JAZF1: variants seen among roughly 807,000 people sequenced by gnomAD.
JAZF1 encodes JAZF zinc finger 1, also known as juxtaposed with another zinc finger protein 1.
Under a neutral mutation model 26.4 loss-of-function variants are expected in JAZF1, and 8 were observed. That is an observed-to-expected ratio of 0.30 (90% CI 0.18 to 0.55). The LOEUF is 0.55. Among genes scored for constraint, JAZF1 ranks in the 20% least tolerant of loss-of-function variants. The pLI is 0.94. For synonymous variants in JAZF1, 126 were observed against 122.3 expected (o/e 1.03, Z -0.20); for missense variants, 199 against 322.0 (o/e 0.62, Z 2.92).
intron 1 of JAZF1, among the ~76,000 whole-genome samples, chr7:28,085,001 C>T (rs999219623): frequency 2.0e-5 from 3 of 152,180 alleles, no homozygotes; most frequent in African/African-American, 7.2e-5. Context: ...TCTGTAGAGT[C>T]CCCACTTGGA....
intron 2 of JAZF1, among the ~76,000 whole-genome samples, chr7:27,982,829 G>C (rs1243613403): frequency 1.3e-5 from 2 of 152,194 alleles, no homozygotes; most frequent in Non-Finnish European, 2.9e-5. Flanking sequence ...CAGGCAAACA[G>C]GGTCTGGAGA....
chr7:28,115,256 G>C (rs565068319), intron 1 of JAZF1, among the ~76,000 whole-genome samples: 5 of 152,088 alleles, frequency 3.3e-5, no homozygotes, highest in Non-Finnish European at 7.4e-5. Context: ...AAAGACAAGT[G>C]AAATTAATTT....
At chr7:28,161,392 C>T (rs1180670521) in intron 1 of JAZF1, among the ~76,000 whole-genome samples, 3 of 151,962 alleles carry the variant, frequency 2.0e-5, no homozygotes, top group Non-Finnish European at 4.4e-5. Flanking sequence ...CCAAAGCACA[C>T]ATTTTATTCC....
At chr7:28,010,452 T>A (rs1782781718) in intron 1 of JAZF1, among the ~76,000 whole-genome samples, 1 of 152,114 alleles carries the variant, frequency 6.6e-6, no homozygotes, top group African/African-American at 2.4e-5. Flanking sequence ...CACACCCCTA[T>A]AAATAGCCCC....
At chr7:27,974,101 A>G (rs769666985) in intron 2 of JAZF1, among the ~76,000 whole-genome samples, 4 of 152,158 alleles carry the variant, frequency 2.6e-5, no homozygotes, top group Non-Finnish European at 5.9e-5. Context: ...TGAATCAAAA[A>G]AAGAGGAGGC....
chr7:28,109,826 C>T (rs754014194), intron 1 of JAZF1, among the ~76,000 whole-genome samples: 1 of 152,120 alleles, frequency 6.6e-6, no homozygotes, highest in Non-Finnish European at 1.5e-5. Context: ...CTCCCGAAGG[C>T]CAAACAGGGC....
At chr7:27,867,811 T>C (rs1314021291) in intron 3 of JAZF1, among the ~76,000 whole-genome samples, 1 of 152,216 alleles carries the variant, frequency 6.6e-6, no homozygotes, top group African/African-American at 2.4e-5. Flanking sequence ...CCCAGTGCCA[T>C]TCATGTCCTA....
intron 1 of JAZF1, among the ~76,000 whole-genome samples, chr7:28,001,052 T>C (rs1206868626): frequency 6.6e-6 from 1 of 152,080 alleles, no homozygotes; most frequent in African/African-American, 2.4e-5. Flanking sequence ...ATGAACAGAA[T>C]TCACAGTTAA....
At chr7:28,116,167 A>C (rs1330476339) in intron 1 of JAZF1, among the ~76,000 whole-genome samples, 1 of 152,226 alleles carries the variant, frequency 6.6e-6, no homozygotes, top group African/African-American at 2.4e-5. Context: ...GTAATTGCCA[A>C]AGCCAGACTG....
At chr7:27,872,231 T>C (rs188627898) in intron 3 of JAZF1, among the ~76,000 whole-genome samples, 13 of 152,328 alleles carry the variant, frequency 8.5e-5, no homozygotes, top group African/African-American at 2.9e-4. Flanking sequence ...TACACAAGAT[T>C]TCTCCAACTC....
intron 2 of JAZF1, among the ~76,000 whole-genome samples, chr7:27,921,335 C>CTTTT (rs111359758): frequency 4.3e-5 from 6 of 139,728 alleles, no homozygotes; most frequent in Non-Finnish European, 9.4e-5. Context: ...CAGCAAGTAT[C>CTTTT]TTTTTTTTTT....
At chr7:28,141,724 C>T (rs1010174415) in intron 1 of JAZF1, among the ~76,000 whole-genome samples, 4 of 152,192 alleles carry the variant, frequency 2.6e-5, no homozygotes, top group African/African-American at 9.7e-5. Flanking sequence ...AGGTGCTTGA[C>T]AGATACTTTA....
intron 3 of JAZF1, among the ~76,000 whole-genome samples, chr7:27,851,640 G>C (rs1223899693): frequency 6.6e-6 from 1 of 152,154 alleles, no homozygotes; most frequent in Non-Finnish European, 1.5e-5. Flanking sequence ...GCTGCAGTGA[G>C]TGGTGATGGC....
At chr7:28,091,671 CAGAG>C (rs140074968) in intron 1 of JAZF1, among the ~76,000 whole-genome samples, 38 of 147,062 alleles carry the variant, frequency 2.6e-4, no homozygotes, top group South Asian at 6.4e-4. Context: ...TATGCACATG[CAGAG>C]AGAGAGAGAG....
chr7:28,086,955 A>T (rs1784221347), intron 1 of JAZF1, among the ~76,000 whole-genome samples: 1 of 152,210 alleles, frequency 6.6e-6, no homozygotes, highest in African/African-American at 2.4e-5. Flanking sequence ...TACCATTCAG[A>T]AAACACAGAG....
chr7:28,119,906 T>C (rs1292384586), intron 1 of JAZF1, among the ~76,000 whole-genome samples: 2 of 152,204 alleles, frequency 1.3e-5, no homozygotes, highest in Non-Finnish European at 2.9e-5. Context: ...TATACATATA[T>C]CTGTATCAAC....
At chr7:28,073,782 T>G (rs1442154257) in intron 1 of JAZF1, among the ~76,000 whole-genome samples, 1 of 152,178 alleles carries the variant, frequency 6.6e-6, no homozygotes, top group East Asian at 1.9e-4. Context: ...TCCCTGGATG[T>G]GTGAATTTTC....
intron 1 of JAZF1, among the ~76,000 whole-genome samples, chr7:28,140,100 T>C (rs1782941458): frequency 8.5e-6 from 1 of 117,750 alleles, no homozygotes. Flanking sequence ...TTTTTTTTTT[T>C]GAGACGGAGT....
Position 27,965,551 on chromosome 7 carries a change from G to A in JAZF1, c.188+26358C>T, listed in dbSNP as rs74334719. Among the ~76,000 whole-genome samples the A allele has an allele frequency of 2.4e-3, 372 of 152,254 alleles. 15 individuals carry two copies. In the East Asian group the frequency reaches 0.066, roughly 27 times the overall value. ...ACTGGCAAATGTTTCCCTGTTTTAA[G>A]AAAATGTTATATTTCTATATGAGAC... On this transcript the variant is annotated intron_variant, in intron 2 of 4. Coordinates refer to ENST00000283928, the MANE Select transcript of JAZF1 (RefSeq NM_175061.4).
Sources: gnomAD v4.1 joint callset for allele counts (sites outside exome capture counted in the v4.1 genomes callset) on GRCh38, gnomAD v4.1.1 for gene constraint, MANE v1.5 for transcripts, NCBI Gene and HGNC (gene_info 2026-07-23, HGNC 2026-07-21) for gene names.